Variants in NCKAP5 observed in about 807,000 individuals in gnomAD.
NCKAP5 encodes nck-associated protein 5.
In NCKAP5, 92 loss-of-function variants were observed where a neutral mutation model predicts 167.0. The observed-to-expected ratio is 0.55, with a 90% CI of 0.47 to 0.66. The LOEUF is 0.66. NCKAP5 is among the 30% of genes least tolerant of loss of function. The probability of loss-of-function intolerance (pLI) is 0.00; values close to 1 mark genes in which losing one functional copy is unlikely to be tolerated. For missense variants in NCKAP5, 2,378 were observed against 2,315.0 expected (o/e 1.03, Z -0.56); for synonymous variants, 891 against 877.4 (o/e 1.02, Z -0.27).
At chr2:133,400,561 T>A (rs1688034126) in intron 3 of NCKAP5, among the ~76,000 whole-genome samples, 2 of 152,052 alleles carry the variant, frequency 1.3e-5, no homozygotes, top group Non-Finnish European at 2.9e-5. Flanking sequence ...AGTCAAGGAA[T>A]GTATGAGCCA....
chr2:133,585,565 G>C, the NCKAP5 span, among the ~76,000 whole-genome samples: 2 of 152,184 alleles, frequency 1.3e-5, no homozygotes, highest in South Asian at 4.1e-4. Flanking sequence ...ATATCATTTT[G>C]TCATGGATTA....
chr2:133,650,685 G>A, the NCKAP5 span, among the ~76,000 whole-genome samples: 2 of 152,094 alleles, frequency 1.3e-5, no homozygotes, highest in East Asian at 1.9e-4. Flanking sequence ...GACGAGTCTG[G>A]CCAACATGGC....
At chr2:132,715,457 T>C (rs921522830) in intron 19 of NCKAP5, among the ~76,000 whole-genome samples, 4 of 152,206 alleles carry the variant, frequency 2.6e-5, no homozygotes. Context: ...CAAACACCTG[T>C]TGACTACATT....
At chr2:132,729,775 C>A (rs2105464346) in intron 17 of NCKAP5, among the ~76,000 whole-genome samples, 1 of 152,290 alleles carries the variant, frequency 6.6e-6, no homozygotes, top group East Asian at 1.9e-4. Context: ...TATCCTCCAA[C>A]CTCAGTGATT....
intron 16 of NCKAP5, among the ~76,000 whole-genome samples, chr2:132,740,186 T>C (rs1679056147): frequency 6.6e-6 from 1 of 152,300 alleles, no homozygotes; most frequent in Admixed American, 6.5e-5. Context: ...GCCATAAAAG[T>C]TTCAGCCAAA....
At position 132,700,932 on chromosome 2, in the gene NCKAP5, G is replaced by GT. The variant is rs112824906; in HGVS notation, c.5713+24694_5713+24695insA. The stretch of plus-strand genomic sequence containing the variant: ...CATGCTGGTTACAATCCCCTGGGCG[G>GT]GGGGGGGGGCTTTTAAGCAATACTA... On this transcript the variant is annotated intron_variant, in intron 19 of 19. Transcript: ENST00000409261. Among the ~76,000 whole-genome samples the GT allele has an allele frequency of 3.0e-4, 37 of 122,460 alleles. No homozygotes were observed. In the Middle Eastern group the frequency reaches 0.017, roughly 55 times the overall value. The allele number at this position is 122,460 out of a possible 152,430, so 80.3% of individuals were successfully genotyped here.
In NCKAP5 at chr2:132,783,043, G is replaced by C. The variant is rs1369415083; in HGVS notation, c.3768C>G (p.Ser1256=). The C allele has an allele frequency of 1.2e-6, 2 of 1,613,868 alleles. No individual in the cohort carries two copies. Among genetic ancestry groups the C allele is most frequent in the Admixed American group, 3.3e-5 (2 of 60,004 alleles). Residue 1256 remains serine, a synonymous_variant, in exon 14 of 20, where the codon TCC becomes TCG. Coordinates refer to ENST00000409261, the MANE Select transcript of NCKAP5 (RefSeq NM_207363.3). ...VDNRSMRRSL[S]SSKPHLKPAL... The stretch of plus-strand genomic sequence containing the variant: ...CTGGTTTTAGGTGTGGTTTGCTGGA[G>C]GAAAGGGATCTTCTCATGGATCTAT...
intron 4 of NCKAP5, chr2:133,268,209 G>C (rs1299213623): frequency 1.3e-5 from 2 of 152,186 alleles, no homozygotes. Context: ...CTATACTTGA[G>C]AAATGTGTGC....
At chr2:133,341,671 TAAGTA>T (rs940136490) in intron 3 of NCKAP5, among the ~76,000 whole-genome samples, 105 of 152,290 alleles carry the variant, frequency 6.9e-4, no homozygotes, top group African/African-American at 2.4e-3. Flanking sequence ...TGCCAGCTGT[TAAGTA>T]AAGTAGCACA....
intron 3 of NCKAP5, among the ~76,000 whole-genome samples, chr2:133,378,922 C>T (rs1224335541): frequency 6.6e-6 from 1 of 152,166 alleles, no homozygotes; most frequent in Non-Finnish European, 1.5e-5. Context: ...TGTATGTGGG[C>T]ACTTTGTTTC....
At chr2:133,518,571 G>C (rs1684219772) in intron 2 of NCKAP5, among the ~76,000 whole-genome samples, 1 of 151,784 alleles carries the variant, frequency 6.6e-6, no homozygotes. Context: ...AGCCAGGATG[G>C]TCTCGATCTC....
chr2:132,799,786 G>T (rs1029169632), intron 11 of NCKAP5, among the ~76,000 whole-genome samples: 10 of 151,936 alleles, frequency 6.6e-5, no homozygotes, highest in African/African-American at 2.4e-4. Context: ...TAATTATTAT[G>T]GGTACATAAT....
intron 3 of NCKAP5, among the ~76,000 whole-genome samples, chr2:133,377,142 T>A (rs1258157958): frequency 6.6e-6 from 1 of 152,212 alleles, no homozygotes; most frequent in Non-Finnish European, 1.5e-5. Flanking sequence ...TACACTGGAC[T>A]CTCTCATTCA....
chr2:133,557,035 G>A (rs1233641474), intron 2 of NCKAP5, among the ~76,000 whole-genome samples: 1 of 151,922 alleles, frequency 6.6e-6, no homozygotes, highest in Non-Finnish European at 1.5e-5. Context: ...CTCAATAGAG[G>A]GTAAAATAAA....
At chr2:133,191,379 T>C (rs2085210535) in intron 5 of NCKAP5, among the ~76,000 whole-genome samples, 1 of 152,158 alleles carries the variant, frequency 6.6e-6, no homozygotes, top group Non-Finnish European at 1.5e-5. Flanking sequence ...CCCTCAAGGA[T>C]CTAGAACTAG....
intron 5 of NCKAP5, among the ~76,000 whole-genome samples, chr2:133,134,030 T>G (rs2082699867): frequency 6.6e-6 from 1 of 152,244 alleles, no homozygotes; most frequent in Non-Finnish European, 1.5e-5. Context: ...GACACAAATC[T>G]TAGGTTTGCC....
chr2:132,683,188 T>C (rs1252529107), intron 19 of NCKAP5, among the ~76,000 whole-genome samples: 1 of 151,958 alleles, frequency 6.6e-6, no homozygotes, highest in African/African-American at 2.4e-5. Context: ...ATAAAGATAG[T>C]CTATAGATGG....
chr2:133,627,521 T>A, the NCKAP5 span, among the ~76,000 whole-genome samples: 1 of 152,178 alleles, frequency 6.6e-6, no homozygotes, highest in African/African-American at 2.4e-5. Context: ...ACGCCTGTAA[T>A]CCCAGCACCT....
At chr2:132,797,140 A>G (rs1434623413) in intron 11 of NCKAP5, among the ~76,000 whole-genome samples, 1 of 152,238 alleles carries the variant, frequency 6.6e-6, no homozygotes, top group Admixed American at 6.5e-5. Flanking sequence ...AAATCTGAGC[A>G]GATAATTATA....
Sources: gnomAD v4.1 joint callset for allele counts (sites outside exome capture counted in the v4.1 genomes callset) on GRCh38, gnomAD v4.1.1 for gene constraint, MANE v1.5 for transcripts, NCBI Gene and HGNC (gene_info 2026-07-23, HGNC 2026-07-21) for gene names.